The following ARID1B variants were observed in gnomAD, a reference collection of about 807,000 sequenced individuals.
ARID1B encodes AT-rich interaction domain 1B, also known as AT-rich interactive domain-containing protein 1B.
A neutral mutation model predicts 212.3 loss-of-function variants in ARID1B; 30 were observed. That is an observed-to-expected ratio of 0.14 (90% CI 0.11 to 0.19). The LOEUF is 0.19. Among genes scored for constraint, ARID1B ranks in the 10% least tolerant of loss-of-function variants. The pLI is 1.00. For missense variants in ARID1B, 2,891 were observed against 3,204.0 expected (o/e 0.90, Z 2.36); for synonymous variants, 1,402 against 1,301.7 (o/e 1.08, Z -1.66).
At chr6:156,966,386 CTTTTTTTTTTT>C (rs1214987532) in intron 4 of ARID1B, among the ~76,000 whole-genome samples, 2 of 38,930 alleles carry the variant, frequency 5.1e-5, no homozygotes, top group African/African-American at 7.8e-5. Context: ...CTTTTCTTTT[CTTTTTTTTTTT>C]TTTTTTTTTT....
intron 2 of ARID1B, among the ~76,000 whole-genome samples, chr6:156,897,841 C>G (rs1788611212): frequency 6.6e-6 from 1 of 152,024 alleles, no homozygotes; most frequent in African/African-American, 2.4e-5. Flanking sequence ...CAAGAGATTT[C>G]CATATTATAA....
intron 2 of ARID1B, among the ~76,000 whole-genome samples, chr6:156,854,496 C>G (rs961781369): frequency 1.3e-5 from 2 of 152,228 alleles, no homozygotes; most frequent in Non-Finnish European, 1.5e-5. Flanking sequence ...CTGCTTGGTT[C>G]CTCCAGGCTC....
At chr6:157,147,213 G>A (rs1426251914) in intron 7 of ARID1B, among the ~76,000 whole-genome samples, 1 of 43,284 alleles carries the variant, frequency 2.3e-5, no homozygotes, top group African/African-American at 1.1e-4. Context: ...CTCCGGCCCT[G>A]CCCTCCGTCC....
intron 11 of ARID1B, chr6:157,175,315 T>G: frequency 6.1e-6 from 1 of 165,264 alleles, no homozygotes; most frequent in Non-Finnish European, 1.3e-5. Context: ...TAAAAATGTC[T>G]GATCCATTAT....
chr6:156,991,959 A>T (rs1001554574), intron 4 of ARID1B, among the ~76,000 whole-genome samples: 6 of 152,226 alleles, frequency 3.9e-5, no homozygotes, highest in African/African-American at 1.4e-4. Flanking sequence ...ATTTAATAAC[A>T]AAGAAAACAT....
intron 4 of ARID1B, among the ~76,000 whole-genome samples, chr6:157,021,264 C>T (rs1287170290): frequency 6.6e-6 from 1 of 152,238 alleles, no homozygotes; most frequent in African/African-American, 2.4e-5. Context: ...CGCGGTACAG[C>T]GGGGAGACTC....
intron 4 of ARID1B, among the ~76,000 whole-genome samples, chr6:156,986,850 C>T (rs1284205697): frequency 6.6e-6 from 1 of 152,018 alleles, no homozygotes; most frequent in African/African-American, 2.4e-5. Context: ...GATTAAAACA[C>T]AAACTGGCTG....
chr6:156,978,576 CA>C (rs1455357054), intron 4 of ARID1B, among the ~76,000 whole-genome samples: 1 of 152,150 alleles, frequency 6.6e-6, no homozygotes, highest in Non-Finnish European at 1.5e-5. Context: ...GAATCCATCT[CA>C]TCACCATGAA....
chr6:157,021,844 C>T (rs1285128294), intron 4 of ARID1B, among the ~76,000 whole-genome samples: 1 of 152,146 alleles, frequency 6.6e-6, no homozygotes. Context: ...GCCAGACTCA[C>T]GCAGGCACCG....
intron 4 of ARID1B, among the ~76,000 whole-genome samples, chr6:157,025,364 T>TGAGAAATGCATAACAATGATGTGTA (rs1780592179): frequency 6.6e-6 from 1 of 152,250 alleles, no homozygotes; most frequent in Admixed American, 6.5e-5. Flanking sequence ...ATTACTATGT[T>TGAGAAATGCATAACAATGATGTGTA]GAGAAATGCA....
intron 2 of ARID1B, among the ~76,000 whole-genome samples, chr6:156,839,287 A>T (rs1405244018): frequency 6.6e-6 from 1 of 152,206 alleles, no homozygotes; most frequent in Non-Finnish European, 1.5e-5. Flanking sequence ...TTGCTGCTTC[A>T]CAACGTGGTG....
At chr6:157,172,408 A>G (rs141831671) in intron 9 of ARID1B, among the ~76,000 whole-genome samples, 9 of 152,336 alleles carry the variant, frequency 5.9e-5, no homozygotes, top group African/African-American at 2.2e-4. Flanking sequence ...AAGTCTAAGT[A>G]TTGAAAGTAA....
At chr6:156,966,525 G>A (rs1162793757) in intron 4 of ARID1B, among the ~76,000 whole-genome samples, 4 of 148,642 alleles carry the variant, frequency 2.7e-5, no homozygotes, top group East Asian at 2.0e-4. Context: ...ACCCAAGTAG[G>A]TGGTATTACA....
chr6:156,794,513 G>A (rs1225372723), intron 1 of ARID1B, among the ~76,000 whole-genome samples: 1 of 151,096 alleles, frequency 6.6e-6, no homozygotes, highest in Non-Finnish European at 1.5e-5. Flanking sequence ...GCCTTGGCCT[G>A]GGAGGCCTGG....
At chr6:157,049,428 C>A (rs1188283124) in intron 4 of ARID1B, among the ~76,000 whole-genome samples, 1 of 152,122 alleles carries the variant, frequency 6.6e-6, no homozygotes, top group East Asian at 1.9e-4. Flanking sequence ...CGGGGAGGGA[C>A]AGGACTGGCC....
intron 4 of ARID1B, among the ~76,000 whole-genome samples, chr6:156,972,770 T>G (rs1777013212): frequency 6.6e-6 from 1 of 152,226 alleles, no homozygotes; most frequent in Admixed American, 6.5e-5. Flanking sequence ...GTTCTGATGT[T>G]CCTCTTTAAA....
At chr6:157,098,781 G>A (rs533251924) in intron 5 of ARID1B, among the ~76,000 whole-genome samples, 135 of 152,228 alleles carry the variant, frequency 8.9e-4, no homozygotes, top group Non-Finnish European at 1.5e-3. Flanking sequence ...TGAGTGGAGT[G>A]GCAAGTGCAG....
intron 3 of ARID1B, among the ~76,000 whole-genome samples, chr6:156,932,005 T>C (rs1030235800): frequency 1.4e-5 from 2 of 145,260 alleles, no homozygotes; most frequent in Non-Finnish European, 3.0e-5. Flanking sequence ...CATAGTGGTA[T>C]GTGCCTGTAG....
At chr6:157,023,799 C>T (rs754830669) in intron 4 of ARID1B, 3 of 152,296 alleles carry the variant, frequency 2.0e-5, no homozygotes, top group Non-Finnish European at 4.4e-5. Flanking sequence ...TTAAACTTTG[C>T]CTACCTAATA....
Sources: allele counts gnomAD v4.1 joint callset (sites outside exome capture counted in the v4.1 genomes callset), GRCh38; gene constraint gnomAD v4.1.1; transcripts MANE v1.5; gene names NCBI Gene and HGNC (gene_info 2026-07-23, HGNC 2026-07-21).